Variants in TM4SF4 observed in about 807,000 individuals in gnomAD.
TM4SF4 encodes the protein transmembrane 4 L six family member 4, also known as transmembrane 4 L6 family member 4.
TM4SF4 carries 24 observed loss-of-function variants against 24.1 expected under a neutral mutation model. That is an observed-to-expected ratio of 1.00 (90% CI 0.72 to 1.40). The LOEUF is 1.40. TM4SF4 is among the 40% of genes most tolerant of loss of function. The pLI, the probability that TM4SF4 is intolerant of heterozygous loss-of-function variation, is 0.00. For missense variants in TM4SF4, 254 were observed against 254.2 expected (o/e 1.00, Z 0.01); for synonymous variants, 113 against 97.0 (o/e 1.17, Z -0.97).
At chr3:149,478,005 T>C (rs1422266623) in intron 2 of TM4SF4, among the ~76,000 whole-genome samples, 1 of 152,200 alleles carries the variant, frequency 6.6e-6, no homozygotes, top group Non-Finnish European at 1.5e-5. Flanking sequence ...AGGGATCTTT[T>C]GTTTGCTTGA....
chr3:149,475,073 C>T (rs1037727984), intron 1 of TM4SF4, 22 bp downstream of exon 1: 36 of 1,603,554 alleles, frequency 2.2e-5, no homozygotes, highest in Admixed American at 1.4e-4. Context: ...AGCTTAAAAT[C>T]CCCCTAAGGG....
At chr3:149,486,557 G>A (rs1734120104) in intron 2 of TM4SF4, among the ~76,000 whole-genome samples, 1 of 152,186 alleles carries the variant, frequency 6.6e-6, no homozygotes, top group African/African-American at 2.4e-5. Context: ...GTAAGAGGGA[G>A]TTAACCTAGC....
chr3:149,495,455 C>T, intron 3 of TM4SF4: 1 of 413,802 alleles, frequency 2.4e-6, no homozygotes, highest in Non-Finnish European at 4.8e-6. Context: ...GTTCTCAAAC[C>T]CAGCATGGTG....
At chr3:149,481,417 C>T (rs1229864922) in intron 2 of TM4SF4, among the ~76,000 whole-genome samples, 1 of 152,140 alleles carries the variant, frequency 6.6e-6, no homozygotes, top group Non-Finnish European at 1.5e-5. Context: ...CACAATAACC[C>T]TGTGAATTCA....
chr3:149,501,689 G>T (rs572974330), intron 4 of TM4SF4, among the ~76,000 whole-genome samples: 1 of 152,328 alleles, frequency 6.6e-6, no homozygotes, highest in African/African-American at 2.4e-5. Flanking sequence ...TCTCAGCCTA[G>T]TTCCACAGCT....
At chr3:149,489,915 A>T (rs146876811) in intron 3 of TM4SF4, among the ~76,000 whole-genome samples, 1 of 152,238 alleles carries the variant, frequency 6.6e-6, no homozygotes, top group African/African-American at 2.4e-5. Flanking sequence ...TACAGCTTTG[A>T]TAATTACCTG....
rs754082063 is a variant in TM4SF4, at chr3:149,475,804, G to A, written c.175-19G>A. ...CTTCAACTCCTGGACTCTCTCTGAG[G>A]TGCCTCTTCTCCTGGTAGATGATCT... On this transcript the variant is annotated intron_variant, in intron 1 of 4. Transcript: ENST00000305354. 9.4e-6 allele frequency: 15 copies of A among 1,595,152 alleles called. No individual in the cohort carries two copies. Among genetic ancestry groups the A allele is most frequent in the African/African-American group, 2.7e-5 (2 of 74,584 alleles).
chr3:149,500,204 T>C (rs1390492615), intron 4 of TM4SF4, among the ~76,000 whole-genome samples: 1 of 151,982 alleles, frequency 6.6e-6, no homozygotes, highest in Non-Finnish European at 1.5e-5. Flanking sequence ...TTGTACTTAA[T>C]ATACAATTAT....
In TM4SF4 at chr3:149,491,202, T is replaced by C. The variant is rs953593485; in HGVS notation, c.401+3447T>C. 2.0e-5 allele frequency among the ~76,000 whole-genome samples: 3 copies of C among 150,420 alleles called. No homozygotes were observed. The Admixed American group carries it at 2.0e-4, about 10-fold the overall frequency. ...GGCTCATGCCTGTAATCTCAGCACT[T>C]TGGGATGCTGAGGTGGAAGGATTGC... On this transcript the variant is annotated intron_variant, in intron 3 of 4. Transcript: ENST00000305354.
At chr3:149,496,497 A>G (rs67952339) in intron 3 of TM4SF4, among the ~76,000 whole-genome samples, 13,159 of 152,270 alleles carry the variant, frequency 0.086, 1,100 homozygotes, top group East Asian at 0.43. Context: ...GAAAAGAACA[A>G]TCGGCCAGAT....
Position 149,474,932 on chromosome 3 carries a change from T to C in TM4SF4, c.55T>C (p.Phe19Leu). The C allele has an allele frequency of 1.2e-6, 2 of 1,613,978 alleles. No homozygotes were observed. The highest frequency in any genetic ancestry group is 1.7e-6 in the Non-Finnish European group (2 of 1,179,886). ...CLGGTLIPLA[F>L]FGFLANILLF... is the part of the protein sequence containing the mutation. ...GGGGGGGACCCTCATTCCCCTTGCT[T>C]TTTTTGGCTTCCTGGCTAACATCCT... Residue 19 changes from phenylalanine (F) to leucine (L), a missense_variant, in exon 1 of 5, where the codon TTT becomes CTT. By Grantham distance (22) the Phe-to-Leu change is conservative. Coordinates refer to ENST00000305354, the MANE Select transcript of TM4SF4 (RefSeq NM_004617.4).
At chr3:149,501,051 A>G (rs902367638) in intron 4 of TM4SF4, among the ~76,000 whole-genome samples, 1 of 151,658 alleles carries the variant, frequency 6.6e-6, no homozygotes, top group African/African-American at 2.4e-5. Context: ...AGAGAGAGAA[A>G]GAAAGAAAGA....
rs533979836 is a variant in TM4SF4, at chr3:149,495,409, G to C, written c.402-3313G>C. The C allele has an allele frequency of 6.9e-4, 236 of 342,092 alleles. 2 individuals carry two copies. Among genetic ancestry groups the C allele is most frequent in the Non-Finnish European group, 9.9e-4 (168 of 170,296 alleles). 21.2% of individuals were successfully genotyped at this position (342,092 alleles called of 1,614,324 possible). A position where few individuals can be genotyped will look rare whatever the true frequency, so the allele number is the denominator to read the frequency against. On this transcript the variant is annotated intron_variant, in intron 3 of 4. Coordinates refer to ENST00000305354, the MANE Select transcript of TM4SF4 (RefSeq NM_004617.4). ...GCCCCTCCAGATGTCTACAAAGTTG[G>C]TGGCATTGGTCCCTATGTGCTAAGT...
intron 3 of TM4SF4, among the ~76,000 whole-genome samples, chr3:149,498,164 T>C (rs1021478709): frequency 3.3e-5 from 5 of 152,192 alleles, no homozygotes; most frequent in African/African-American, 1.2e-4. Flanking sequence ...GGCCTTGAAA[T>C]CAGGCTCTTC....
At position 149,474,751 on chromosome 3, in the gene TM4SF4, C is replaced by G; in HGVS notation, c.-127C>G. ...ACACAGTTCACAGAAATTTGGTTCT[C>G]AGCCCCAAAATACTGATTGAATTGG... On this transcript the variant is annotated 5_prime_UTR_variant, in exon 1 of 5. Coordinates refer to ENST00000305354, the MANE Select transcript of TM4SF4 (RefSeq NM_004617.4). The G allele has an allele frequency of 9.6e-7, 1 of 1,044,982 alleles. No homozygotes were observed. Among genetic ancestry groups the G allele is most frequent in the Non-Finnish European group, 1.3e-6 (1 of 744,330 alleles). The allele number at this position is 1,044,982 out of a possible 1,614,324, so 64.7% of individuals were successfully genotyped here. A position where few individuals can be genotyped will look rare whatever the true frequency, so the allele number is the denominator to read the frequency against.
chr3:149,484,916 G>A (rs1436452699), intron 2 of TM4SF4, among the ~76,000 whole-genome samples: 1 of 152,058 alleles, frequency 6.6e-6, no homozygotes, highest in African/African-American at 2.4e-5. Context: ...CCAGAACTAG[G>A]AACTATGGGT....
At chr3:149,480,520 A>G (rs1292589404) in intron 2 of TM4SF4, among the ~76,000 whole-genome samples, 2 of 152,086 alleles carry the variant, frequency 1.3e-5, no homozygotes, top group Non-Finnish European at 2.9e-5. Context: ...TTTTGAAGAA[A>G]GGTCTTGGTC....
At chr3:149,484,899 A>G (rs1001982719) in intron 2 of TM4SF4, among the ~76,000 whole-genome samples, 2 of 152,142 alleles carry the variant, frequency 1.3e-5, no homozygotes, top group Non-Finnish European at 2.9e-5. Flanking sequence ...CTTGTTAACT[A>G]TAATATCCAG....
chr3:149,492,662 C>G (rs1291918082), intron 3 of TM4SF4, among the ~76,000 whole-genome samples: 1 of 152,102 alleles, frequency 6.6e-6, no homozygotes, highest in African/African-American at 2.4e-5. Flanking sequence ...TCTTTACCTC[C>G]TTAGAAAGAG....
Sources: gnomAD v4.1 joint callset for allele counts (sites outside exome capture counted in the v4.1 genomes callset) on GRCh38, gnomAD v4.1.1 for gene constraint, MANE v1.5 for transcripts, NCBI Gene and HGNC (gene_info 2026-07-23, HGNC 2026-07-21) for gene names.